C3orf22: variants seen among roughly 807,000 people sequenced by gnomAD.
C3orf22 encodes uncharacterized protein C3orf22.
Under a neutral mutation model 10.8 loss-of-function variants are expected in C3orf22, and 7 were observed. The observed-to-expected ratio is 0.65, with a 90% CI of 0.37 to 1.22. C3orf22 has a LOEUF of 1.22. Among genes scored for constraint, C3orf22 ranks in the 50% most tolerant of loss-of-function variants. The pLI is 0.02. For missense variants in C3orf22, 173 were observed against 177.0 expected (o/e 0.98, Z 0.13); for synonymous variants, 79 against 78.9 (o/e 1.00, Z 0.00).
chr3:126,556,850 CCA>C (rs1314641371), intron 1 of C3orf22, among the ~76,000 whole-genome samples: 3 of 149,712 alleles, frequency 2.0e-5, no homozygotes, highest in Admixed American at 1.3e-4. Flanking sequence ...CAGACACCCC[CCA>C]CACACAGACT....
At chr3:126,540,149 C>T (rs1936927346) in intron 4 of C3orf22, among the ~76,000 whole-genome samples, 1 of 152,074 alleles carries the variant, frequency 6.6e-6, no homozygotes, top group African/African-American at 2.4e-5. Context: ...CCCAAGCAGG[C>T]CCTGGCTCTG....
chr3:126,557,544 G>A (rs1406209576), intron 1 of C3orf22, among the ~76,000 whole-genome samples: 6 of 152,166 alleles, frequency 3.9e-5, no homozygotes, highest in South Asian at 2.1e-4. Context: ...GCTGCCTGCC[G>A]CCAAGTGTGG....
chr3:126,556,781 T>C (rs4679261), intron 1 of C3orf22, among the ~76,000 whole-genome samples: 1 of 147,304 alleles, frequency 6.8e-6, no homozygotes, highest in Non-Finnish European at 1.5e-5. Flanking sequence ...ACTCACACAC[T>C]CAGACTCACA....
chr3:126,535,511 G>T (rs376024303), intron 4 of C3orf22, among the ~76,000 whole-genome samples: 13,971 of 145,516 alleles, frequency 0.096, 1,186 homozygotes, highest in African/African-American at 0.22. Flanking sequence ...CAGTATCGCT[G>T]TCCTCAGCCG....
At chr3:126,554,262 GT>G (rs772991755) in intron 1 of C3orf22, among the ~76,000 whole-genome samples, 2,042 of 80,812 alleles carry the variant, frequency 0.025, 11 homozygotes, top group South Asian at 0.053. Context: ...TTTTTCTGTT[GT>G]TTTTTTTTTT....
At chr3:126,541,774 C>T in intron 4 of C3orf22, 3 of 1,523,870 alleles carry the variant, frequency 2.0e-6, no homozygotes, top group South Asian at 1.2e-5. Context: ...GGCAGCGGCG[C>T]GACCTGCTGA....
chr3:126,549,781 T>A lies in C3orf22; in HGVS notation c.*87A>T. 6.6e-7 allele frequency: 1 copy of A among 1,522,236 alleles called. No homozygotes were observed. The highest frequency in any genetic ancestry group is 8.8e-7 in the Non-Finnish European group (1 of 1,135,262). The allele number at this position is 1,522,236 out of a possible 1,614,324, so 94.3% of individuals were successfully genotyped here. A position where few individuals can be genotyped will look rare whatever the true frequency, so the allele number is the denominator to read the frequency against. On this transcript the variant is annotated 3_prime_UTR_variant, in exon 4 of 4. Coordinates refer to ENST00000318225, the MANE Select transcript of C3orf22 (RefSeq NM_152533.3). ...GGTCTATGATGGCCATGAAGGCTGATCCCTTTACTAAAGTCTCTGTGGCTA... is the reference window on the plus strand; with the variant it reads ...GGTCTATGATGGCCATGAAGGCTGAACCCTTTACTAAAGTCTCTGTGGCTA...
At chr3:126,552,214 CT>C in intron 2 of C3orf22, 92 bp from the exon 3 acceptor site, 1 of 1,585,884 alleles carries the variant, frequency 6.3e-7, no homozygotes, top group Non-Finnish European at 8.6e-7. Context: ...CTGCTAGGCA[CT>C]GTTCTAAGTG....
At chr3:126,558,151 G>GCATA (rs1328629049) in intron 1 of C3orf22, among the ~76,000 whole-genome samples, 2 of 152,228 alleles carry the variant, frequency 1.3e-5, no homozygotes, top group Non-Finnish European at 2.9e-5. Context: ...TACATTCTAT[G>GCATA]CATAACCTCA....
intron 1 of C3orf22, among the ~76,000 whole-genome samples, chr3:126,554,265 T>G (rs1483814564): frequency 0.073 from 31 of 424 alleles, no homozygotes; most frequent in Non-Finnish European, 0.21. Context: ...TTCTGTTGTT[T>G]TTTTTTTTTT....
chr3:126,550,114 G>C (rs1419011252), intron 3 of C3orf22, 36 bp from the exon 4 acceptor site: 1 of 1,609,306 alleles, frequency 6.2e-7, no homozygotes, highest in African/African-American at 1.3e-5. Flanking sequence ...CTGGCCTTCA[G>C]GACCCCTGCT....
intron 4 of C3orf22, among the ~76,000 whole-genome samples, chr3:126,543,500 T>C (rs866482824): frequency 1.3e-5 from 2 of 152,164 alleles, no homozygotes; most frequent in Admixed American, 6.5e-5. Flanking sequence ...GAGAGTGCAC[T>C]GTGTAGGAGG....
chr3:126,536,913 A>ACACACG (rs1259874785), intron 4 of C3orf22, among the ~76,000 whole-genome samples: 1 of 151,126 alleles, frequency 6.6e-6, no homozygotes, highest in African/African-American at 2.4e-5. Context: ...ACACACACAC[A>ACACACG]CACACACACA....
intron 1 of C3orf22, among the ~76,000 whole-genome samples, chr3:126,555,015 T>C (rs1212891558): frequency 2.6e-5 from 4 of 152,192 alleles, no homozygotes; most frequent in African/African-American, 9.7e-5. Context: ...AGGGACTGAA[T>C]AGTTTTCAGT....
chr3:126,544,387 A>G (rs1403674785), intron 4 of C3orf22, among the ~76,000 whole-genome samples: 2 of 152,210 alleles, frequency 1.3e-5, no homozygotes, highest in Non-Finnish European at 2.9e-5. Flanking sequence ...ACCCAGTTTC[A>G]GGAGCTCTGT....
intron 4 of C3orf22, chr3:126,542,488 C>T (rs764597932): frequency 9.5e-6 from 15 of 1,581,970 alleles, no homozygotes; most frequent in African/African-American, 4.2e-5. Flanking sequence ...GGGACATCAG[C>T]CCCTTCTACC....
At position 126,552,098 on chromosome 3, in the gene C3orf22, G is replaced by T. The variant is rs1323664170; in HGVS notation, c.114C>A (p.Asp38Glu). ...CCTCCCAGGGCTGCAGGGGCTCAGGGTCGGGCTCTGTCAGCCACGACAACC... is the reference window on the plus strand; with the variant it reads ...CCTCCCAGGGCTGCAGGGGCTCAGGTTCGGGCTCTGTCAGCCACGACAACC... ...PYRLSWLTEPDPEPLQPWEVT... is the reference protein window; with the variant it reads ...PYRLSWLTEPEPEPLQPWEVT... Residue 38 changes from aspartate (D) to glutamate (E), a missense_variant, in exon 3 of 4, where the codon GAC becomes GAA. Physicochemically the swap from Asp to Glu is conservative, Grantham distance 45 (BLOSUM62 2). Coordinates refer to ENST00000318225, the MANE Select transcript of C3orf22 (RefSeq NM_152533.3). 4.3e-6 allele frequency: 7 copies of T among 1,613,778 alleles called. No homozygotes were observed. The highest frequency in any genetic ancestry group is 3.3e-5 in the South Asian group (3 of 91,046).
chr3:126,549,158 A>G (rs911323073), downstream of C3orf22, among the ~76,000 whole-genome samples: 8 of 152,000 alleles, frequency 5.3e-5, no homozygotes, highest in African/African-American at 1.7e-4. Flanking sequence ...ATGTATGACA[A>G]CCCACAAAAT....
chr3:126,535,577 A>T (rs1936771616), intron 4 of C3orf22, among the ~76,000 whole-genome samples: 2 of 80,290 alleles, frequency 2.5e-5, no homozygotes, highest in African/African-American at 9.8e-5. Flanking sequence ...GACAGACAGC[A>T]TCACTTTCCT....
Sources: allele counts gnomAD v4.1 joint callset (sites outside exome capture counted in the v4.1 genomes callset), GRCh38; gene constraint gnomAD v4.1.1; transcripts MANE v1.5; gene names NCBI Gene and HGNC (gene_info 2026-07-23, HGNC 2026-07-21).